EPB41L5: variants seen among roughly 807,000 people sequenced by gnomAD.
EPB41L5 encodes the protein erythrocyte membrane protein band 4.1 like 5, also known as band 4.1-like protein 5.
EPB41L5 carries 55 observed loss-of-function variants against 106.6 expected under a neutral mutation model. The ratio of observed to expected loss-of-function variants is 0.52; its 90% CI spans 0.42 to 0.65. The LOEUF (loss-of-function observed/expected upper bound fraction) is 0.65. Ranked by LOEUF, EPB41L5 falls within the 30% of genes least tolerant of loss-of-function variation. EPB41L5 has a pLI of 0.00. For missense variants in EPB41L5, 871 were observed against 882.1 expected, an observed-to-expected ratio of 0.99 and a Z score of 0.16; for synonymous variants, 297 against 306.7, an observed-to-expected ratio of 0.97 and a Z score of 0.33.
intron 2 of EPB41L5, among the ~76,000 whole-genome samples, chr2:120,035,873 A>G (rs1286446679): frequency 6.6e-6 from 1 of 152,178 alleles, no homozygotes; most frequent in East Asian, 1.9e-4. Flanking sequence ...CCCATGAATG[A>G]TCATAAAACT....
intron 16 of EPB41L5, among the ~76,000 whole-genome samples, chr2:120,112,511 T>C (rs1445036858): frequency 6.6e-6 from 1 of 152,190 alleles, no homozygotes; most frequent in Non-Finnish European, 1.5e-5. Context: ...TACAAATAAC[T>C]GATAAAGTGC....
At chr2:120,044,784 T>C (rs988187941) in intron 3 of EPB41L5, among the ~76,000 whole-genome samples, 7 of 152,228 alleles carry the variant, frequency 4.6e-5, no homozygotes, top group Non-Finnish European at 7.3e-5. Flanking sequence ...ACTCTTTAGT[T>C]CTAGTTTATT....
At chr2:120,028,966 T>C (rs2105161295) in intron 2 of EPB41L5, among the ~76,000 whole-genome samples, 2 of 152,256 alleles carry the variant, frequency 1.3e-5, no homozygotes, top group Middle Eastern at 3.4e-3. Flanking sequence ...TTTGGACCTC[T>C]TACAGTCCCT....
chr2:120,126,637 C>A (rs1381825882), intron 16 of EPB41L5, among the ~76,000 whole-genome samples: 1 of 152,126 alleles, frequency 6.6e-6, no homozygotes, highest in Non-Finnish European at 1.5e-5. Context: ...ACTCTCAATT[C>A]TGTTGTTGAT....
chr2:120,101,403 T>C (rs1341036901), intron 16 of EPB41L5, among the ~76,000 whole-genome samples: 2 of 152,184 alleles, frequency 1.3e-5, no homozygotes. Context: ...ATACTTTGTG[T>C]CTTATTGGAG....
chr2:120,057,148 G>T (rs575750064), intron 3 of EPB41L5, among the ~76,000 whole-genome samples: 1 of 151,998 alleles, frequency 6.6e-6, no homozygotes, highest in Non-Finnish European at 1.5e-5. Flanking sequence ...CTTCAGCCTC[G>T]CAAAGTGCTG....
chr2:120,051,531 T>C (rs956650065), intron 3 of EPB41L5, among the ~76,000 whole-genome samples: 1 of 152,250 alleles, frequency 6.6e-6, no homozygotes, highest in African/African-American at 2.4e-5. Context: ...GAGAGTTATC[T>C]GATTTTTCCA....
At chr2:120,051,552 G>C (rs1296868613) in intron 3 of EPB41L5, among the ~76,000 whole-genome samples, 4 of 152,200 alleles carry the variant, frequency 2.6e-5, no homozygotes, top group African/African-American at 9.6e-5. Flanking sequence ...GGTGCCGCCT[G>C]TATTAGGTTG....
intron 16 of EPB41L5, among the ~76,000 whole-genome samples, chr2:120,116,685 A>AT (rs894429431): frequency 3.9e-5 from 6 of 152,032 alleles, no homozygotes; most frequent in East Asian, 3.9e-4. Context: ...CACCTGGCTA[A>AT]TTTTTTTATT....
At position 120,087,200 on chromosome 2, in the gene EPB41L5, A is replaced by C; in HGVS notation, c.833A>C (p.Lys278Thr). The C allele has an allele frequency of 6.3e-7, 1 of 1,590,066 alleles. No individual in the cohort carries two copies. Among genetic ancestry groups the C allele is most frequent in the Non-Finnish European group, 8.6e-7 (1 of 1,159,536 alleles). ...WPKITRLDFK[K>T]NKLTLVVVED... ...AAGATAACCAGATTGGATTTTAAGA[A>C]GAATAAATTAACCTTGGTGGTTGTA... The change falls in exon 11 of 25, where the codon AAG becomes ACG. Residue 278 changes from lysine (K) to threonine (T), a missense_variant. By Grantham distance (78) the Lys-to-Thr change is moderately conservative (BLOSUM62 -1). Coordinates refer to ENST00000263713, the MANE Select transcript of EPB41L5 (RefSeq NM_020909.4).
rs924862532 is a variant in EPB41L5 at position 120,176,426 on chromosome 2, G to A, written c.*1519G>A. 3.9e-5 allele frequency: 6 copies of A among 152,192 alleles called. No individual in the cohort carries two copies. The highest frequency in any genetic ancestry group is 1.9e-4 in the East Asian group (1 of 5,198). The allele number at this position is 152,192 out of a possible 1,614,324, so 9.4% of individuals were successfully genotyped here. A position where few individuals can be genotyped will look rare whatever the true frequency, so the allele number is the denominator to read the frequency against. ...TTCCTGGGCTCCTTATAACATAATC[G>A]TGTGTCCAGGCAAACGCACACTAGT... On this transcript the variant is annotated 3_prime_UTR_variant, in exon 25 of 25. Coordinates refer to ENST00000263713, the MANE Select transcript of EPB41L5 (RefSeq NM_020909.4).
At chr2:120,051,768 C>G (rs1043233274) in intron 3 of EPB41L5, among the ~76,000 whole-genome samples, 1 of 152,196 alleles carries the variant, frequency 6.6e-6, no homozygotes, top group Non-Finnish European at 1.5e-5. Context: ...TGTCTTCTCT[C>G]TACACTGGGT....
intron 3 of EPB41L5, among the ~76,000 whole-genome samples, chr2:120,060,159 GT>G (rs1024197525): frequency 4.6e-5 from 7 of 152,324 alleles, no homozygotes; most frequent in Admixed American, 4.6e-4. Context: ...ATACATTGTT[GT>G]TGGGATTGTA....
chr2:120,069,216 A>G (rs1681685655), intron 3 of EPB41L5, among the ~76,000 whole-genome samples: 1 of 151,666 alleles, frequency 6.6e-6, no homozygotes, highest in African/African-American at 2.4e-5. Flanking sequence ...TAAACCAACA[A>G]AGATCAAAAA....
intron 3 of EPB41L5, among the ~76,000 whole-genome samples, chr2:120,049,755 GCA>G (rs1680092087): frequency 6.6e-6 from 1 of 152,126 alleles, no homozygotes; most frequent in Non-Finnish European, 1.5e-5. Flanking sequence ...TTTCTTCCTA[GCA>G]TCGATGGTCT....
chr2:120,165,487 T>TTA (rs911852906), intron 22 of EPB41L5, among the ~76,000 whole-genome samples: 9 of 152,216 alleles, frequency 5.9e-5, no homozygotes, highest in Non-Finnish European at 1.3e-4. Context: ...TAAACAGTTG[T>TTA]TATATTGTAT....
chr2:120,042,995 A>ATTTG (rs1491151741), intron 3 of EPB41L5, among the ~76,000 whole-genome samples: 75 of 70,122 alleles, frequency 1.1e-3, no homozygotes, highest in South Asian at 1.6e-3. Context: ...TTTTCTGGAA[A>ATTTG]TGTGTGTGTG....
chr2:120,019,570 G>A (rs948998955), intron 2 of EPB41L5, among the ~76,000 whole-genome samples: 5 of 152,232 alleles, frequency 3.3e-5, no homozygotes, highest in African/African-American at 1.2e-4. Flanking sequence ...AGCACATGAT[G>A]TAGTCTAGTG....
At chr2:120,131,239 A>G (rs184573241) in intron 17 of EPB41L5, among the ~76,000 whole-genome samples, 39 of 152,346 alleles carry the variant, frequency 2.6e-4, no homozygotes, top group Admixed American at 2.5e-3. Flanking sequence ...CAAAGATGGC[A>G]AAGTGTTGAG....
Sources: gnomAD v4.1 joint callset for allele counts (sites outside exome capture counted in the v4.1 genomes callset) on GRCh38, gnomAD v4.1.1 for gene constraint, MANE v1.5 for transcripts, NCBI Gene and HGNC (gene_info 2026-07-23, HGNC 2026-07-21) for gene names.